The following C11orf97 variants were observed in gnomAD, a reference collection of about 807,000 sequenced individuals.
The protein encoded by C11orf97 is uncharacterized protein C11orf97.
C11orf97 carries 15 observed loss-of-function variants against 16.2 expected under a neutral mutation model. That is an observed-to-expected ratio of 0.93 (90% CI 0.62 to 1.43). The LOEUF (loss-of-function observed/expected upper bound fraction) is 1.43. C11orf97 is among the 40% of genes most tolerant of loss of function. C11orf97 has a pLI of 0.00. For synonymous variants in C11orf97, 61 were observed against 65.7 expected, an observed-to-expected ratio of 0.93 and a Z score of 0.34; for missense variants, 171 against 161.2, an observed-to-expected ratio of 1.06 and a Z score of -0.33.
At chr11:94,522,508 C>T (rs1947666274) in intron 2 of C11orf97, among the ~76,000 whole-genome samples, 2 of 152,176 alleles carry the variant, frequency 1.3e-5, no homozygotes, top group Non-Finnish European at 2.9e-5. Flanking sequence ...TGCACTCCGG[C>T]CTGGGCAACA....
intron 2 of C11orf97, among the ~76,000 whole-genome samples, chr11:94,525,719 C>T (rs1440905935): frequency 6.6e-6 from 1 of 152,210 alleles, no homozygotes; most frequent in Middle Eastern, 3.2e-3. Context: ...TCTGACCTTG[C>T]TTGCACAAGA....
intron 3 of C11orf97, among the ~76,000 whole-genome samples, chr11:94,531,520 A>T (rs1203646755): frequency 7.6e-6 from 1 of 131,938 alleles, no homozygotes; most frequent in African/African-American, 2.9e-5. Context: ...GTGCCACAAA[A>T]CAAGCCAAAA....
At chr11:94,516,971 T>C (rs1947615836) in intron 1 of C11orf97, among the ~76,000 whole-genome samples, 1 of 152,182 alleles carries the variant, frequency 6.6e-6, no homozygotes. Flanking sequence ...ACATCTGGGC[T>C]GAGCTACATT....
intron 2 of C11orf97, among the ~76,000 whole-genome samples, chr11:94,525,772 A>G (rs1414537706): frequency 6.6e-6 from 1 of 152,216 alleles, no homozygotes; most frequent in Non-Finnish European, 1.5e-5. Flanking sequence ...TTCAAGCTCC[A>G]ATGTTCATTA....
At chr11:94,519,974 C>T (rs1947645170) in intron 2 of C11orf97, among the ~76,000 whole-genome samples, 1 of 152,164 alleles carries the variant, frequency 6.6e-6, no homozygotes, top group Non-Finnish European at 1.5e-5. Context: ...GGCTTCTTTT[C>T]CTGGAAGACA....
In C11orf97 at chr11:94,512,497, C is replaced by A. The variant is rs1591743854; in HGVS notation, c.-32C>A. ...CCTGCGACTGAGCTGAGAAGGAAAC[C>A]GTGCCCAGGGCTCTCGGAAGACCGC... On this transcript the variant is annotated 5_prime_UTR_variant, in exon 1 of 4. Coordinates refer to ENST00000542198, the MANE Select transcript of C11orf97 (RefSeq NM_001190462.2). 7.9e-7 allele frequency: 1 copy of A among 1,271,352 alleles called. No homozygotes were observed. The highest frequency in any genetic ancestry group is 3.1e-5 in the East Asian group (1 of 32,044). The allele number at this position is 1,271,352 out of a possible 1,614,324, so 78.8% of individuals were successfully genotyped here.
chr11:94,512,516 A>C lies in C11orf97; in HGVS notation c.-13A>C. 1 of 1,294,270 alleles carries C rather than the reference A, an allele frequency of 7.7e-7. No homozygotes were observed. The highest frequency in any genetic ancestry group is 9.8e-7 in the Non-Finnish European group (1 of 1,021,154). 80.2% of individuals were successfully genotyped at this position (1,294,270 alleles called of 1,614,324 possible). On this transcript the variant is annotated 5_prime_UTR_variant, in exon 1 of 4. Coordinates refer to ENST00000542198, the MANE Select transcript of C11orf97 (RefSeq NM_001190462.2). ...GGAAACCGTGCCCAGGGCTCTCGGAAGACCGCTGCGGCATGACAGGCGAGG... is the reference window on the plus strand; with the variant it reads ...GGAAACCGTGCCCAGGGCTCTCGGACGACCGCTGCGGCATGACAGGCGAGG...
chr11:94,524,834 C>T lies in C11orf97; in HGVS notation c.251-3250C>T, dbSNP rs1040865901. The stretch of plus-strand genomic sequence containing the variant: ...AACACTTTGGGAGGACAAGGCAGGC[C>T]GATCACATGAGGTCAGGAGTTCAAA... On this transcript the variant is annotated intron_variant, in intron 2 of 3. Transcript: ENST00000542198. 8.6e-5 allele frequency among the ~76,000 whole-genome samples: 13 copies of T among 151,890 alleles called. No homozygotes were observed. In the East Asian group the frequency reaches 1.7e-3, roughly 20 times the overall value.
In C11orf97 at chr11:94,517,712, T is replaced by C. The variant is rs532881697; in HGVS notation, c.250+25T>C. 3.5e-5 allele frequency: 50 copies of C among 1,420,528 alleles called. 1 individual carries two copies. The Admixed American group carries it at 1.1e-3, about 31-fold the overall frequency. The allele number at this position is 1,420,528 out of a possible 1,614,324, so 88.0% of individuals were successfully genotyped here. A position where few individuals can be genotyped will look rare whatever the true frequency, so the allele number is the denominator to read the frequency against. On this transcript the variant is annotated intron_variant, in intron 2 of 3. Coordinates refer to ENST00000542198, the MANE Select transcript of C11orf97 (RefSeq NM_001190462.2). ...GGTAATCTCAGTGACAAATGAAGTA[T>C]GTTTGTGAAATGAATATGAAATTGC... is the stretch of plus-strand genomic sequence containing the variant.
intron 2 of C11orf97, among the ~76,000 whole-genome samples, chr11:94,522,993 TC>T (rs1947671029): frequency 6.6e-6 from 1 of 152,140 alleles, no homozygotes. Flanking sequence ...ACTCCACTGT[TC>T]AGCATCCTAC....
chr11:94,530,983 A>G (rs6483345), intron 3 of C11orf97, among the ~76,000 whole-genome samples: 59,917 of 152,010 alleles, frequency 0.39, 12,772 homozygotes, highest in African/African-American at 0.57. Context: ...TAAACAATTC[A>G]CTTGTGCTTT....
At chr11:94,521,571 G>A (rs1053042776) in intron 2 of C11orf97, among the ~76,000 whole-genome samples, 13 of 152,078 alleles carry the variant, frequency 8.5e-5, no homozygotes, top group African/African-American at 2.9e-4. Context: ...TAACTCCGTC[G>A]TAAGTCGAGG....
intron 2 of C11orf97, among the ~76,000 whole-genome samples, chr11:94,521,295 G>C (rs1031472937): frequency 6.6e-6 from 1 of 152,190 alleles, no homozygotes; most frequent in Non-Finnish European, 1.5e-5. Context: ...CAATGTGATG[G>C]TGTGAAAGTG....
intron 2 of C11orf97, among the ~76,000 whole-genome samples, chr11:94,523,214 ATGT>A (rs1173266940): frequency 2.0e-5 from 3 of 152,134 alleles, no homozygotes; most frequent in African/African-American, 7.2e-5. Flanking sequence ...GCCTCTTCCT[ATGT>A]ATATTTGAAT....
chr11:94,519,164 T>C (rs1398155451), intron 2 of C11orf97, among the ~76,000 whole-genome samples: 1 of 152,154 alleles, frequency 6.6e-6, no homozygotes, highest in Non-Finnish European at 1.5e-5. Context: ...CACCTCGGCC[T>C]CCCAATGTGC....
chr11:94,515,853 T>A (rs1380331957), intron 1 of C11orf97, among the ~76,000 whole-genome samples: 2 of 152,158 alleles, frequency 1.3e-5, no homozygotes, highest in Non-Finnish European at 2.9e-5. Context: ...ATTTCTTCTG[T>A]GCATTTTCCT....
At chr11:94,521,286 A>G (rs184071722) in intron 2 of C11orf97, among the ~76,000 whole-genome samples, 2 of 152,298 alleles carry the variant, frequency 1.3e-5, no homozygotes, top group East Asian at 3.9e-4. Context: ...ATGATTTTTC[A>G]ATGTGATGGT....
At position 94,530,387 on chromosome 11, in the gene C11orf97, G is replaced by T. The variant is rs113655990; in HGVS notation, c.377-1509G>T. Among the ~76,000 whole-genome samples the T allele has an allele frequency of 2.3e-3, 344 of 152,272 alleles. 5 individuals are homozygous for T. The highest frequency in any genetic ancestry group is 7.5e-3 in the African/African-American group (312 of 41,556). ...TACTATCTGCTGTACAATCACAATT[G>T]ATCAATCTATATGTCAGACTGGTAA... is the stretch of plus-strand genomic sequence containing the variant. On this transcript the variant is annotated intron_variant, in intron 3 of 3. Transcript: ENST00000542198.
At chr11:94,531,307 C>T (rs7934178) in intron 3 of C11orf97, among the ~76,000 whole-genome samples, 42,037 of 151,544 alleles carry the variant, frequency 0.28, 6,448 homozygotes, top group African/African-American at 0.41. Context: ...GGCGGGGTGA[C>T]GCACGCTTCT....
Sources: allele counts gnomAD v4.1 joint callset (sites outside exome capture counted in the v4.1 genomes callset), GRCh38; gene constraint gnomAD v4.1.1; transcripts MANE v1.5; gene names NCBI Gene and HGNC (gene_info 2026-07-23, HGNC 2026-07-21).